The following CRACD variants were observed in gnomAD, a reference collection of about 807,000 sequenced individuals.
CRACD encodes the protein capping protein-inhibiting regulator of actin dynamics.
Under a neutral mutation model 106.8 loss-of-function variants are expected in CRACD, and 56 were observed. The observed-to-expected ratio is 0.52, with a 90% CI of 0.42 to 0.66. The LOEUF (loss-of-function observed/expected upper bound fraction) is 0.66. CRACD is among the 30% of genes least tolerant of loss of function. CRACD has a pLI of 0.00. For synonymous variants in CRACD, 754 were observed against 670.8 expected (o/e 1.12, Z -1.92); for missense variants, 1,730 against 1,623.2 (o/e 1.07, Z -1.13).
chr4:56,115,203 C>T (rs190090139), intron 1 of CRACD, among the ~76,000 whole-genome samples: 25 of 152,192 alleles, frequency 1.6e-4, no homozygotes, highest in Admixed American at 5.2e-4. Context: ...GCTTTCAAAC[C>T]CATATCATAA....
chr4:56,231,759 T>C (rs1413566913), intron 2 of CRACD, among the ~76,000 whole-genome samples: 1 of 152,234 alleles, frequency 6.6e-6, no homozygotes, highest in Non-Finnish European at 1.5e-5. Context: ...GAATTCTAGA[T>C]GCTGCTGTTG....
At chr4:56,310,357 A>G (rs1307789964) in intron 5 of CRACD, among the ~76,000 whole-genome samples, 1 of 152,182 alleles carries the variant, frequency 6.6e-6, no homozygotes, top group African/African-American at 2.4e-5. Context: ...CCCCAGGGAA[A>G]GTGGCTGTTG....
intron 1 of CRACD, among the ~76,000 whole-genome samples, chr4:56,135,539 G>A (rs776199862): frequency 3.9e-5 from 6 of 152,206 alleles, no homozygotes; most frequent in Non-Finnish European, 7.3e-5. Flanking sequence ...TACCTGCTCT[G>A]TTGTTGCCTG....
At chr4:56,122,492 A>G (rs1734523452) in intron 1 of CRACD, among the ~76,000 whole-genome samples, 1 of 152,000 alleles carries the variant, frequency 6.6e-6, no homozygotes, top group Non-Finnish European at 1.5e-5. Flanking sequence ...TTGATACACC[A>G]CTGATTCGAG....
intron 3 of CRACD, among the ~76,000 whole-genome samples, chr4:56,277,871 A>G (rs1214583297): frequency 6.6e-6 from 1 of 152,206 alleles, no homozygotes; most frequent in East Asian, 1.9e-4. Context: ...AGCAATTTAT[A>G]ATCTAAAGAT....
At chr4:56,085,319 A>G (rs1019983155) in intron 1 of CRACD, among the ~76,000 whole-genome samples, 1 of 152,036 alleles carries the variant, frequency 6.6e-6, no homozygotes, top group Non-Finnish European at 1.5e-5. Flanking sequence ...AAGTTTATTT[A>G]TGTGGGTCTT....
In CRACD at chr4:56,329,424, T is replaced by C. The variant is rs1384460368; in HGVS notation, c.*1620T>C. On this transcript the variant is annotated 3_prime_UTR_variant, in exon 11 of 11. Coordinates refer to ENST00000682029, the MANE Select transcript of CRACD (RefSeq NM_001393381.1). ...TCTACCATGTACCTTAAATAAAGGATGATGGCAAAGTTATTTACCATGTAG... is the reference window on the plus strand; with the variant it reads ...TCTACCATGTACCTTAAATAAAGGACGATGGCAAAGTTATTTACCATGTAG... Among the ~76,000 whole-genome samples, 1 of 152,232 alleles carries C rather than the reference T, an allele frequency of 6.6e-6. No individual in the cohort carries two copies. The highest frequency in any genetic ancestry group is 1.5e-5 in the Non-Finnish European group (1 of 68,040).
At chr4:56,135,335 T>C (rs1734968444) in intron 1 of CRACD, among the ~76,000 whole-genome samples, 1 of 152,200 alleles carries the variant, frequency 6.6e-6, no homozygotes, top group Non-Finnish European at 1.5e-5. Context: ...CTAAAAGCCA[T>C]GTGACAACTC....
chr4:56,221,964 C>T (rs577944664), intron 2 of CRACD, among the ~76,000 whole-genome samples: 23 of 152,250 alleles, frequency 1.5e-4, no homozygotes, highest in African/African-American at 5.5e-4. Context: ...GTACACCCTC[C>T]ATAGAAAACA....
At chr4:56,295,062 G>T (rs1743929235) in intron 3 of CRACD, among the ~76,000 whole-genome samples, 1 of 151,432 alleles carries the variant, frequency 6.6e-6, no homozygotes, top group African/African-American at 2.4e-5. Flanking sequence ...TGTGTTATTG[G>T]TATAAAAACA....
At chr4:56,068,879 G>A (rs1577941920) in intron 1 of CRACD, among the ~76,000 whole-genome samples, 1 of 152,016 alleles carries the variant, frequency 6.6e-6, no homozygotes, top group African/African-American at 2.4e-5. Flanking sequence ...TTTAGAATAT[G>A]GCCATATTTG....
At position 56,307,635 on chromosome 4, in the gene CRACD, T is replaced by C. The variant is rs1744822072; in HGVS notation, c.221T>C (p.Phe74Ser). Residue 74 changes from phenylalanine (F) to serine (S), a missense_variant, in exon 5 of 11, where the codon TTC (phenylalanine) becomes TCC (serine). Physicochemically the swap from Phe to Ser is radical, Grantham distance 155. This residue lies in a region of CRACD where 1,620 missense variants were observed against 1,481.6 expected (regional missense o/e 1.09). Coordinates refer to ENST00000682029, the MANE Select transcript of CRACD (RefSeq NM_001393381.1). ...SGEASLEEDL[F>S]LTSPMEIVTQ... Reference sequence around the variant, plus strand: ...GAGGCTAGCTTAGAAGAGGATCTGTTCCTGACCAGTCCCATGGAAATTGTG... The same window carrying C: ...GAGGCTAGCTTAGAAGAGGATCTGTCCCTGACCAGTCCCATGGAAATTGTG... 6.2e-7 allele frequency: 1 copy of C among 1,614,184 alleles called. No individual in the cohort carries two copies. Among genetic ancestry groups the C allele is most frequent in the Non-Finnish European group, 8.5e-7 (1 of 1,180,046 alleles).
At chr4:56,266,423 T>G (rs1742022432) in intron 2 of CRACD, among the ~76,000 whole-genome samples, 1 of 152,168 alleles carries the variant, frequency 6.6e-6, no homozygotes, top group Non-Finnish European at 1.5e-5. Context: ...AATAAATTGA[T>G]AGTAACATTT....
rs144244971 is a variant in CRACD, at chr4:56,201,093, A to G, written c.-189+21663A>G. 2.4e-4 allele frequency among the ~76,000 whole-genome samples: 37 copies of G among 152,304 alleles called. No individual in the cohort carries two copies. The East Asian group carries it at 5.6e-3, about 23-fold the overall frequency. ...CTTTTCTTAACATCCAGATATTTTTATATGGACTAATGAGATAATTAATTA... is the reference window on the plus strand; with the variant it reads ...CTTTTCTTAACATCCAGATATTTTTGTATGGACTAATGAGATAATTAATTA... On this transcript the variant is annotated intron_variant, in intron 2 of 10. Transcript: ENST00000682029.
At chr4:56,116,770 C>T (rs1175755191) in intron 1 of CRACD, among the ~76,000 whole-genome samples, 6 of 151,718 alleles carry the variant, frequency 4.0e-5, no homozygotes, top group South Asian at 4.1e-4. Context: ...GTGCGTGGCA[C>T]GATCTCGGCT....
chr4:56,324,283 T>C lies in CRACD; in HGVS notation c.3541+17T>C, dbSNP rs761459467. On this transcript the variant is annotated intron_variant, in intron 10 of 10. Transcript: ENST00000682029. Reference sequence around the variant, plus strand: ...CTGTGACAGGTAGAGAGCAGGTCCATTGCTTTGTAACTGTAGTTCCAGGTT... The same window carrying C: ...CTGTGACAGGTAGAGAGCAGGTCCACTGCTTTGTAACTGTAGTTCCAGGTT... 1 of 1,605,226 alleles carries C rather than the reference T, an allele frequency of 6.2e-7. No homozygotes were observed. Among genetic ancestry groups the C allele is most frequent in the South Asian group, 1.1e-5 (1 of 89,634 alleles).
chr4:56,267,113 AATTT>A (rs1425351041), intron 2 of CRACD, among the ~76,000 whole-genome samples: 2 of 140,418 alleles, frequency 1.4e-5, no homozygotes, highest in Non-Finnish European at 3.0e-5. Flanking sequence ...TACACTTTTA[AATTT>A]ATTTAAGTTT....
At chr4:56,280,539 C>G (rs552342050) in intron 3 of CRACD, among the ~76,000 whole-genome samples, 126 of 152,338 alleles carry the variant, frequency 8.3e-4, no homozygotes, top group Middle Eastern at 6.8e-3. Context: ...CTTGACCTTT[C>G]CCTAAAAGTA....
rs1470173333 is a variant in CRACD at position 56,327,845 on chromosome 4, C to T, written c.*41C>T. ...CATCCCTACTGCCAGTTATTGGCTC[C>T]TCTCTTGCCCTTTTTATTTATTTAT... On this transcript the variant is annotated 3_prime_UTR_variant, in exon 11 of 11. Transcript: ENST00000682029. 2 of 1,516,656 alleles carry T rather than the reference C, an allele frequency of 1.3e-6. No homozygotes were observed. Among genetic ancestry groups the T allele is most frequent in the East Asian group, 2.3e-5 (1 of 44,002 alleles). 93.9% of individuals were successfully genotyped at this position (1,516,656 alleles called of 1,614,324 possible). A position where few individuals can be genotyped will look rare whatever the true frequency, so the allele number is the denominator to read the frequency against.
Sources: gnomAD v4.1 joint callset for allele counts (sites outside exome capture counted in the v4.1 genomes callset) on GRCh38, gnomAD v4.1.1 for gene constraint, gnomAD v4.1.1 regional missense constraint, MANE v1.5 for transcripts, NCBI Gene and HGNC (gene_info 2026-07-23, HGNC 2026-07-21) for gene names.